Variants in PCLO observed in about 807,000 individuals in gnomAD.
PCLO encodes piccolo presynaptic cytomatrix protein.
PCLO carries 82 observed loss-of-function variants against 427.5 expected under a neutral mutation model. The ratio of observed to expected loss-of-function variants is 0.19; its 90% confidence interval spans 0.16 to 0.23. The LOEUF is 0.23. Ranked by LOEUF, PCLO falls within the 10% of genes least tolerant of loss-of-function variation. PCLO has a pLI of 1.00. For synonymous variants in PCLO, 2,357 were observed against 2,155.4 expected, an observed-to-expected ratio of 1.09 and a Z score of -2.59; for missense variants, 6,239 against 6,115.9, an observed-to-expected ratio of 1.02 and a Z score of -0.67.
chr7:82,942,924 T>A (rs1263224152), intron 6 of PCLO, among the ~76,000 whole-genome samples: 1 of 152,104 alleles, frequency 6.6e-6, no homozygotes, highest in Non-Finnish European at 1.5e-5. Context: ...AAGTTAGTTT[T>A]AATAGATTGC....
At chr7:82,883,973 G>A (rs951104769) in intron 9 of PCLO, among the ~76,000 whole-genome samples, 3 of 152,072 alleles carry the variant, frequency 2.0e-5, no homozygotes, top group Non-Finnish European at 4.4e-5. Flanking sequence ...TTTTTGCCAT[G>A]TTGGCCAGGC....
At position 82,845,321 on chromosome 7, in the gene PCLO, C is replaced by T; in HGVS notation, c.13996G>A (p.Gly4666Arg). 1 of 1,613,472 alleles carries T rather than the reference C, an allele frequency of 6.2e-7. No homozygotes were observed. The highest frequency in any genetic ancestry group is 1.1e-5 in the South Asian group (1 of 91,080). ...CTCACTGAGGGGGACCCTGGTTGCCCAGGGCTGGGAACGGAACTGGATCCT... is the reference window on the plus strand; with the variant it reads ...CTCACTGAGGGGGACCCTGGTTGCCTAGGGCTGGGAACGGAACTGGATCCT... ...SAGSSSVPSP[G>R]QPGSPSVSKK... The change falls in exon 13 of 25, where the codon GGG (glycine) becomes AGG (arginine). Residue 4666 changes from glycine to arginine, a missense_variant. Gly to Arg is a moderately radical substitution (Grantham distance 125). This residue lies in a region of PCLO where 877 missense variants were observed against 925.5 expected (regional missense o/e 0.95). Transcript: ENST00000333891.
At chr7:83,110,677 TATGAACACCAAAATTCCATTATAC>T (rs1482185678) in intron 3 of PCLO, among the ~76,000 whole-genome samples, 1 of 152,172 alleles carries the variant, frequency 6.6e-6, no homozygotes, top group African/African-American at 2.4e-5. Context: ...CTAACTTCCC[TATGAACACCAAAATTCCATTATAC>T]ATGAATATTA....
rs145574817 is a variant in PCLO, at chr7:82,781,425, C to T, written c.15008-19932G>A. Reference sequence around the variant, plus strand: ...TGGTGGTTTGCTGCAACTATTTACCCGTCCTTTAAGTTGCCTCCCTTTGCC... The same window carrying T: ...TGGTGGTTTGCTGCAACTATTTACCTGTCCTTTAAGTTGCCTCCCTTTGCC... On this transcript the variant is annotated intron_variant, in intron 22 of 24. Coordinates refer to ENST00000333891, the MANE Select transcript of PCLO (RefSeq NM_033026.6). Among the ~76,000 whole-genome samples the T allele has an allele frequency of 4.7e-4, 71 of 151,848 alleles. 3 individuals carry two copies. In the East Asian group the frequency reaches 0.013, roughly 27 times the overall value.
intron 3 of PCLO, among the ~76,000 whole-genome samples, chr7:83,001,345 A>T (rs2115923377): frequency 6.6e-6 from 1 of 152,152 alleles, no homozygotes; most frequent in South Asian, 2.1e-4. Context: ...AGGATACTGA[A>T]TGTATGTTAG....
chr7:82,916,848 G>A lies in PCLO; in HGVS notation c.11138C>T (p.Ser3713Phe). 6.2e-7 allele frequency: 1 copy of A among 1,612,994 alleles called. No homozygotes were observed. The highest frequency in any genetic ancestry group is 8.5e-7 in the Non-Finnish European group (1 of 1,179,274). ...YTTKGSQTMT[S>F]SGAQKKVKRT... ...TTTAACTTTTTTCTGGGCTCCAGAG[G>A]ATGTCATGGTTTGAGAACCTTTAGT... The change falls in exon 7 of 25, where the codon TCC (serine) becomes TTC (phenylalanine). Residue 3713 changes from serine (S) to phenylalanine (F), a missense_variant. Physicochemically the swap from Ser to Phe is radical, Grantham distance 155. Coordinates refer to ENST00000333891, the MANE Select transcript of PCLO (RefSeq NM_033026.6).
chr7:82,994,043 A>G (rs1763272865), intron 3 of PCLO, among the ~76,000 whole-genome samples: 1 of 152,092 alleles, frequency 6.6e-6, no homozygotes, highest in Admixed American at 6.6e-5. Flanking sequence ...GGTTGAAATT[A>G]GGGCATTTAA....
intron 21 of PCLO, among the ~76,000 whole-genome samples, chr7:82,804,681 C>T (rs1791423425): frequency 6.6e-6 from 1 of 152,160 alleles, no homozygotes; most frequent in African/African-American, 2.4e-5. Context: ...AAAGCAGCAT[C>T]AGGCAACACA....
intron 3 of PCLO, among the ~76,000 whole-genome samples, chr7:83,095,185 C>G (rs10954704): frequency 6.6e-6 from 1 of 151,704 alleles, no homozygotes; most frequent in Non-Finnish European, 1.5e-5. Context: ...ATGTGAATTA[C>G]GGGAGTTTGT....
intron 9 of PCLO, chr7:82,879,971 T>C: frequency 2.8e-6 from 1 of 358,902 alleles, no homozygotes; most frequent in Non-Finnish European, 5.3e-6. Context: ...TGTTTGTGTA[T>C]TAACCTGACA....
chr7:83,156,881 T>C (rs1211085615), intron 1 of PCLO, among the ~76,000 whole-genome samples: 2 of 152,284 alleles, frequency 1.3e-5, no homozygotes, highest in Middle Eastern at 3.4e-3. Context: ...ATTAAAAATA[T>C]TCATTTTTAA....
chr7:83,031,505 T>C (rs1435397160), intron 3 of PCLO, among the ~76,000 whole-genome samples: 1 of 152,172 alleles, frequency 6.6e-6, no homozygotes, highest in Non-Finnish European at 1.5e-5. Flanking sequence ...ATGGGTACCA[T>C]TTCATCTCCT....
At chr7:82,896,966 T>G (rs1793919850) in intron 9 of PCLO, among the ~76,000 whole-genome samples, 3 of 151,716 alleles carry the variant, frequency 2.0e-5, no homozygotes, top group African/African-American at 7.2e-5. Flanking sequence ...AAGAATTTCT[T>G]TGGCTTGTTT....
chr7:82,925,868 A>G (rs994751207), intron 6 of PCLO, among the ~76,000 whole-genome samples: 4 of 151,538 alleles, frequency 2.6e-5, no homozygotes, highest in African/African-American at 9.7e-5. Context: ...GGTGTGCACC[A>G]CCATGCCTAG....
At chr7:82,960,015 T>C (rs1159479106) in intron 4 of PCLO, among the ~76,000 whole-genome samples, 1 of 152,182 alleles carries the variant, frequency 6.6e-6, no homozygotes, top group African/African-American at 2.4e-5. Context: ...AAGACATATC[T>C]GCACTGCCAA....
chr7:82,784,884 T>C (rs1281062557), intron 22 of PCLO, among the ~76,000 whole-genome samples: 1 of 152,196 alleles, frequency 6.6e-6, no homozygotes, highest in Non-Finnish European at 1.5e-5. Context: ...GACAGTTGCA[T>C]GGTATTCCAT....
In PCLO at chr7:82,954,496, T is replaced by C. The variant is rs749966331; in HGVS notation, c.6457A>G (p.Ile2153Val). 6 of 1,614,022 alleles carry C rather than the reference T, an allele frequency of 3.7e-6. No individual in the cohort carries two copies. The South Asian group carries it at 6.6e-5, about 18-fold the overall frequency. Residue 2153 changes from isoleucine (I) to valine (V), a missense_variant, in exon 5 of 25, where the codon ATT becomes GTT. Transcript: ENST00000333891. ...GATTCATGGGCAATTATCTCTTGAA[T>C]TTCTCTTGTATAATCGGTTACATAT... ...DEYVTDYTRE[I>V]QEIIAHESLI...
At chr7:82,877,417 G>A (rs936618659) in intron 10 of PCLO, among the ~76,000 whole-genome samples, 6 of 152,032 alleles carry the variant, frequency 3.9e-5, no homozygotes, top group Admixed American at 6.6e-5. Context: ...AGGGTATACT[G>A]TGGAAAGTGA....
At chr7:82,857,296 T>A (rs1298285111) in intron 10 of PCLO, among the ~76,000 whole-genome samples, 1 of 152,166 alleles carries the variant, frequency 6.6e-6, no homozygotes, top group Admixed American at 6.6e-5. Flanking sequence ...GGGTAGTTGA[T>A]GCACTTAGGA....
Sources: gnomAD v4.1 joint callset for allele counts (sites outside exome capture counted in the v4.1 genomes callset) on GRCh38, gnomAD v4.1.1 for gene constraint, gnomAD v4.1.1 regional missense constraint, MANE v1.5 for transcripts, NCBI Gene and HGNC (gene_info 2026-07-23, HGNC 2026-07-21) for gene names.